GRIA3: variants seen among roughly 807,000 people sequenced by gnomAD.
GRIA3 encodes the protein glutamate ionotropic receptor AMPA type subunit 3.
Under a neutral mutation model 63.0 loss-of-function variants are expected in GRIA3, and 3 were observed. The observed-to-expected ratio is 0.05, with a 90% CI of 0.02 to 0.12. GRIA3 has a LOEUF of 0.12. Ranked by LOEUF, GRIA3 falls within the 10% of genes least tolerant of loss-of-function variation. The pLI is 1.00. For synonymous variants in GRIA3, 274 were observed against 257.9 expected, an observed-to-expected ratio of 1.06 and a Z score of -0.60; for missense variants, 347 against 700.9, an observed-to-expected ratio of 0.50 and a Z score of 5.70.
At chrX:123,405,017 T>A (rs1603137266) in intron 10 of GRIA3, 103 bp downstream of exon 10, 2 of 632,987 alleles carry the variant, frequency 3.2e-6, no homozygotes. Context: ...AATTGTATAG[T>A]TTACATATAG....
chrX:123,253,726 T>C (rs1422969593), intron 3 of GRIA3, 184 bp downstream of exon 3: 4 of 464,854 alleles, frequency 8.6e-6, no homozygotes, highest in Non-Finnish European at 1.4e-5. Flanking sequence ...TAGAACCTAA[T>C]TTTTCAAGCT....
intron 5 of GRIA3, among the ~76,000 whole-genome samples, chrX:123,379,872 C>A (rs1193980975): frequency 2.0e-5 from 2 of 101,541 alleles, no homozygotes; most frequent in Non-Finnish European, 4.0e-5. Flanking sequence ...CAATTCCCAC[C>A]TATGAGTGAG....
intron 2 of GRIA3, among the ~76,000 whole-genome samples, chrX:123,251,449 T>C (rs1465819709): frequency 2.7e-5 from 3 of 111,646 alleles, no homozygotes; most frequent in Non-Finnish European, 5.6e-5. Flanking sequence ...TGTTTATTTT[T>C]GAGACGGTGT....
intron 5 of GRIA3, among the ~76,000 whole-genome samples, chrX:123,372,855 G>A (rs1401121076): frequency 5.5e-5 from 6 of 109,940 alleles, no homozygotes; most frequent in Non-Finnish European, 1.1e-4. Flanking sequence ...TTCCAGTTTG[G>A]ATGGTCTTTA....
At chrX:123,358,529 G>T (rs1233660024) in intron 5 of GRIA3, 1 of 112,098 alleles carries the variant, frequency 8.9e-6, no homozygotes, top group Admixed American at 9.4e-5. Context: ...CTAGCTTGTT[G>T]AAATCCCGGA....
chrX:123,283,064 T>G (rs1418797150), intron 3 of GRIA3, among the ~76,000 whole-genome samples: 4 of 111,658 alleles, frequency 3.6e-5, no homozygotes, highest in Non-Finnish European at 7.5e-5. Flanking sequence ...TCATGGGGAC[T>G]GGTTAGACAG....
chrX:123,263,930 T>C lies in GRIA3; in HGVS notation c.508+10388T>C, dbSNP rs763651839. On this transcript the variant is annotated intron_variant, in intron 3 of 15. Transcript: ENST00000620443. ...GCAGGTAGAAAATGGAGGAGACATATGGAACTCATTACACCAAGTGGTGGA... is the reference window on the plus strand; with the variant it reads ...GCAGGTAGAAAATGGAGGAGACATACGGAACTCATTACACCAAGTGGTGGA... Among the ~76,000 whole-genome samples the C allele has an allele frequency of 2.7e-5, 3 of 111,950 alleles. No individual in the cohort carries two copies. In the East Asian group the frequency reaches 8.5e-4, roughly 32 times the overall value.
chrX:123,228,070 T>C (rs2044257246), intron 2 of GRIA3, among the ~76,000 whole-genome samples: 3 of 112,068 alleles, frequency 2.7e-5, no homozygotes, highest in Admixed American at 1.9e-4. Context: ...TAAATAACAA[T>C]AACAGAGCAG....
intron 2 of GRIA3, among the ~76,000 whole-genome samples, chrX:123,191,018 A>G (rs1336524153): frequency 8.9e-6 from 1 of 112,482 alleles, no homozygotes; most frequent in Non-Finnish European, 1.9e-5. Context: ...TTTAAGGATT[A>G]AATGATGGCA....
At chrX:123,438,138 A>C in intron 12 of GRIA3, among the ~76,000 whole-genome samples, 1 of 111,997 alleles carries the variant, frequency 8.9e-6, no homozygotes, top group Non-Finnish European at 1.9e-5. Flanking sequence ...TATAACCATT[A>C]ATCAACTTCT....
chrX:123,242,708 C>T (rs180947912), intron 2 of GRIA3, among the ~76,000 whole-genome samples: 1 of 112,111 alleles, frequency 8.9e-6, no homozygotes, highest in East Asian at 2.8e-4. Flanking sequence ...AGAAATTTAG[C>T]TATTACTTCC....
chrX:123,441,821 A>AACAC (rs34401132), intron 12 of GRIA3, among the ~76,000 whole-genome samples: 1,809 of 105,069 alleles, frequency 0.017, 43 homozygotes, highest in African/African-American at 0.059. Context: ...CCTTCCTCTG[A>AACAC]ACACACACAC....
intron 5 of GRIA3, among the ~76,000 whole-genome samples, chrX:123,367,421 TTTTTG>T (rs1187880764): frequency 6.6e-5 from 7 of 105,452 alleles, no homozygotes; most frequent in African/African-American, 2.4e-4. Flanking sequence ...TTCTCTCTTT[TTTTTG>T]TTTTTTGTTT....
chrX:123,447,216 C>CT (rs1323082506), intron 12 of GRIA3, among the ~76,000 whole-genome samples: 1 of 111,319 alleles, frequency 9.0e-6, no homozygotes, highest in East Asian at 2.8e-4. Flanking sequence ...AATCCCATCT[C>CT]TACTACAAAT....
Position 123,204,644 on chromosome X carries a change from C to G in GRIA3, c.268+18654C>G, listed in dbSNP as rs752136426. 103 of 1,075,352 alleles carry G rather than the reference C, an allele frequency of 9.6e-5. 1 individual carries two copies. The South Asian group carries it at 2.4e-3, about 25-fold the overall frequency. The allele number at this position is 1,075,352 out of a possible 1,213,427, so 88.6% of individuals were successfully genotyped here. ...GACAGGATCAAAGTTGATGAAATAT[C>G]AAGAGAGGTTAATAAAGGAACATTA... On this transcript the variant is annotated intron_variant, in intron 2 of 15. Transcript: ENST00000620443.
chrX:123,186,811 T>C (rs1259803474), intron 2 of GRIA3, among the ~76,000 whole-genome samples: 2 of 111,446 alleles, frequency 1.8e-5, no homozygotes, highest in Non-Finnish European at 3.8e-5. Flanking sequence ...AAACTGAATA[T>C]GGAAAGAGAA....
intron 3 of GRIA3, among the ~76,000 whole-genome samples, chrX:123,280,604 T>C (rs55755823): frequency 0.049 from 5,453 of 112,014 alleles, 138 homozygotes; most frequent in Non-Finnish European, 0.072. Context: ...TCTGGTTTCA[T>C]GTCCCACCTT....
chrX:123,338,367 C>T (rs1162973820), intron 4 of GRIA3, among the ~76,000 whole-genome samples: 2 of 111,667 alleles, frequency 1.8e-5, no homozygotes, highest in African/African-American at 6.5e-5. Context: ...CAACTGCAGC[C>T]TCCACCACAA....
chrX:123,452,764 G>A (rs1404723608), intron 12 of GRIA3, among the ~76,000 whole-genome samples: 1 of 112,129 alleles, frequency 8.9e-6, no homozygotes, highest in Non-Finnish European at 1.9e-5. Context: ...AGAAGGCTGA[G>A]GGAAGTGACC....
Sources: gnomAD v4.1 joint callset for allele counts (sites outside exome capture counted in the v4.1 genomes callset) on GRCh38, gnomAD v4.1.1 for gene constraint, MANE v1.5 for transcripts, NCBI Gene and HGNC (gene_info 2026-07-23, HGNC 2026-07-21) for gene names.